The following SNX9 variants were observed in gnomAD, a reference collection of about 807,000 sequenced individuals.
SNX9 encodes sorting nexin-9.
In SNX9, 44 loss-of-function variants were observed where a neutral mutation model predicts 89.4. The ratio of observed to expected loss-of-function variants is 0.49; its 90% CI spans 0.39 to 0.63. The LOEUF (loss-of-function observed/expected upper bound fraction) is 0.63. Among genes scored for constraint, SNX9 ranks in the 30% least tolerant of loss-of-function variants. The pLI is 0.00. For synonymous variants in SNX9, 236 were observed against 247.8 expected, an observed-to-expected ratio of 0.95 and a Z score of 0.45; for missense variants, 578 against 736.1, an observed-to-expected ratio of 0.79 and a Z score of 2.49.
At chr6:157,866,611 C>T (rs1313353875) in intron 1 of SNX9, among the ~76,000 whole-genome samples, 1 of 152,020 alleles carries the variant, frequency 6.6e-6, no homozygotes, top group African/African-American at 2.4e-5. Context: ...TTTAAGGAAA[C>T]GTTTTAAAAT....
intron 1 of SNX9, among the ~76,000 whole-genome samples, chr6:157,839,214 T>G (rs1246247196): frequency 6.6e-6 from 1 of 152,228 alleles, no homozygotes; most frequent in Non-Finnish European, 1.5e-5. Flanking sequence ...TGGGGATGTA[T>G]ATATGTAATG....
chr6:157,844,587 G>GTTTGTTTTTTT (rs1781763832), intron 1 of SNX9, among the ~76,000 whole-genome samples: 1 of 130,298 alleles, frequency 7.7e-6, no homozygotes, highest in African/African-American at 3.0e-5. Flanking sequence ...GCTAATCCTT[G>GTTTGTTTTTTT]TTTTTTTTTT....
At chr6:157,877,789 T>G (rs541935010) in intron 4 of SNX9, among the ~76,000 whole-genome samples, 9 of 151,958 alleles carry the variant, frequency 5.9e-5, no homozygotes, top group Non-Finnish European at 1.2e-4. Flanking sequence ...CTTGGCACAC[T>G]CTGCCAACTT....
intron 4 of SNX9, among the ~76,000 whole-genome samples, chr6:157,877,284 G>T (rs987559794): frequency 1.3e-5 from 2 of 151,826 alleles, no homozygotes; most frequent in Non-Finnish European, 2.9e-5. Context: ...AAAAAAGCGG[G>T]GGGGGCATCT....
At chr6:157,942,009 A>G (rs139055876) in intron 17 of SNX9, among the ~76,000 whole-genome samples, 260 of 151,972 alleles carry the variant, frequency 1.7e-3, no homozygotes, top group Middle Eastern at 6.8e-3. Flanking sequence ...TGCAAGGGCA[A>G]CTCTCAAAAT....
rs975118493 is a variant in SNX9, at chr6:157,823,583, G to C, written c.12+137G>C. 13 of 737,996 alleles carry C rather than the reference G, an allele frequency of 1.8e-5. No homozygotes were observed. The East Asian group carries it at 6.9e-4, about 39-fold the overall frequency. The allele number at this position is 737,996 out of a possible 1,614,324, so 45.7% of individuals were successfully genotyped here. A position where few individuals can be genotyped will look rare whatever the true frequency, so the allele number is the denominator to read the frequency against. On this transcript the variant is annotated intron_variant, in intron 1 of 17. Transcript: ENST00000392185. The surrounding 1 kb of genome is among the most constrained non-coding windows in gnomAD (Gnocchi z 4.6). ...CTCCGCTTCCTCGGTGGAGTCCCCG[G>C]GCGGGTCCGCGGCCCAGCCAGTCCC...
intron 1 of SNX9, among the ~76,000 whole-genome samples, chr6:157,848,431 C>T (rs1016454469): frequency 1.3e-5 from 2 of 152,050 alleles, no homozygotes; most frequent in South Asian, 2.1e-4. Context: ...AAAGGATAAG[C>T]GTTGGCATTT....
rs541934519 is a variant in SNX9, at chr6:157,870,874, C to T, written c.100-2228C>T. 7.2e-5 allele frequency among the ~76,000 whole-genome samples: 11 copies of T among 152,348 alleles called. No homozygotes were observed. In the East Asian group the frequency reaches 9.6e-4, roughly 13 times the overall value. The stretch of plus-strand genomic sequence containing the variant: ...CCTGCTCTCACACAGATGCAGCACT[C>T]ACCCGTGCAAGCACGCACACACCCC... On this transcript the variant is annotated intron_variant, in intron 2 of 17. Coordinates refer to ENST00000392185, the MANE Select transcript of SNX9 (RefSeq NM_016224.5).
chr6:157,875,938 C>G (rs1002649420), intron 4 of SNX9, among the ~76,000 whole-genome samples: 1 of 149,128 alleles, frequency 6.7e-6, no homozygotes, highest in Admixed American at 6.7e-5. Context: ...TGCTGGAGTT[C>G]GAGACAAGCC....
chr6:157,882,107 G>T (rs541187861), intron 4 of SNX9, among the ~76,000 whole-genome samples: 2 of 152,108 alleles, frequency 1.3e-5, no homozygotes, highest in Non-Finnish European at 2.9e-5. Flanking sequence ...GGGCTAATGC[G>T]GCTGGTAACT....
intron 1 of SNX9, among the ~76,000 whole-genome samples, chr6:157,825,146 G>T (rs879376298): frequency 2.6e-5 from 4 of 152,222 alleles, no homozygotes; most frequent in Non-Finnish European, 5.9e-5. Context: ...TGCTCTGGAG[G>T]CTGAGGCAGG....
chr6:157,865,708 G>C (rs1302110964), intron 1 of SNX9, among the ~76,000 whole-genome samples: 3 of 152,172 alleles, frequency 2.0e-5, no homozygotes, highest in Non-Finnish European at 4.4e-5. Flanking sequence ...TATTTTTTAT[G>C]TATTTCAAGA....
At chr6:157,879,839 T>C (rs573442928) in intron 4 of SNX9, among the ~76,000 whole-genome samples, 1 of 152,258 alleles carries the variant, frequency 6.6e-6, no homozygotes, top group Admixed American at 6.5e-5. Flanking sequence ...TTTAGAGTAC[T>C]TACTTTTGAG....
At chr6:157,864,532 T>C (rs1038742854) in intron 1 of SNX9, among the ~76,000 whole-genome samples, 3 of 152,226 alleles carry the variant, frequency 2.0e-5, no homozygotes, top group African/African-American at 7.2e-5. Context: ...TGGAAACTAA[T>C]TGGATTCAGC....
chr6:157,894,929 A>G (rs1395486684), intron 4 of SNX9, among the ~76,000 whole-genome samples: 1 of 152,212 alleles, frequency 6.6e-6, no homozygotes, highest in Non-Finnish European at 1.5e-5. Context: ...AGGCAGTAAC[A>G]TTTTACAGAC....
Position 157,873,147 on chromosome 6 carries a change from C to T in SNX9, c.145C>T (p.Arg49Ter), listed in dbSNP as rs148879451. Residue 49 changes from arginine (R) to a stop codon, truncating the protein, a stop_gained, in exon 3 of 18, where the codon CGA (arginine) becomes TGA (stop). Transcript: ENST00000392185. LOFTEE classifies it high-confidence loss of function. ...GGAAGGAAGAAACATCAAAGGAGAACGAGGGCTGGTTCCCACAGACTACGT... is the reference window on the plus strand; with the variant it reads ...GGAAGGAAGAAACATCAAAGGAGAATGAGGGCTGGTTCCCACAGACTACGT... The part of the protein sequence containing the change: ...WLEGRNIKGE[R>*]GLVPTDYVEI... The T allele has an allele frequency of 8.1e-6, 13 of 1,595,978 alleles. No homozygotes were observed. Among genetic ancestry groups the T allele is most frequent in the Non-Finnish European group, 1.0e-5 (12 of 1,172,036 alleles).
chr6:157,856,175 T>C (rs2115125291), intron 1 of SNX9, among the ~76,000 whole-genome samples: 1 of 152,382 alleles, frequency 6.6e-6, no homozygotes, highest in East Asian at 1.9e-4. Flanking sequence ...AAGTCTCCTC[T>C]ACTGCAAGAG....
chr6:157,850,826 G>T (rs1781896055), intron 1 of SNX9, among the ~76,000 whole-genome samples: 4 of 152,206 alleles, frequency 2.6e-5, no homozygotes, highest in African/African-American at 4.8e-5. Flanking sequence ...GGCTGCCAGG[G>T]GCTGGGCCTG....
rs146056236 is a variant in SNX9 at position 157,852,142 on chromosome 6, A to G, written c.13-15405A>G. Among the ~76,000 whole-genome samples, 266 of 152,318 alleles carry G rather than the reference A, an allele frequency of 1.7e-3. 3 individuals carry two copies. Among genetic ancestry groups the G allele is most frequent in the South Asian group, 4.1e-3 (20 of 4,830 alleles). ...TCTTTTGAGTGGAATTTGCTGGATC[A>G]TATGGTAATTCCGTGTTTAACTTTT... On this transcript the variant is annotated intron_variant, in intron 1 of 17. Coordinates refer to ENST00000392185, the MANE Select transcript of SNX9 (RefSeq NM_016224.5).
Sources: allele counts gnomAD v4.1 joint callset (sites outside exome capture counted in the v4.1 genomes callset), GRCh38; gene constraint gnomAD v4.1.1; non-coding constraint Gnocchi (gnomAD v3.1); transcripts MANE v1.5; gene names NCBI Gene and HGNC (gene_info 2026-07-23, HGNC 2026-07-21).